The following PXDNL variants were observed in gnomAD, a reference collection of about 807,000 sequenced individuals.
PXDNL encodes probable oxidoreductase PXDNL.
A neutral mutation model predicts 150.8 loss-of-function variants in PXDNL; 145 were observed. That is an observed-to-expected ratio of 0.96 (90% CI 0.84 to 1.10). The LOEUF (loss-of-function observed/expected upper bound fraction) is 1.10. Among genes scored for constraint, PXDNL ranks in the 50% least tolerant of loss-of-function variants. The probability of loss-of-function intolerance (pLI) is 0.00; values close to 1 mark genes in which losing one functional copy is unlikely to be tolerated. For missense variants in PXDNL, 2,087 were observed against 1,873.9 expected (o/e 1.11, Z -2.10); for synonymous variants, 757 against 725.7 (o/e 1.04, Z -0.69).
At chr8:51,320,256 T>C (rs2130592740) in intron 22 of PXDNL, among the ~76,000 whole-genome samples, 1 of 152,318 alleles carries the variant, frequency 6.6e-6, no homozygotes, top group Middle Eastern at 3.4e-3. Context: ...TACTGTACCA[T>C]ATGGTAGGAT....
At chr8:51,665,006 C>T (rs939823462) in intron 1 of PXDNL, among the ~76,000 whole-genome samples, 4 of 152,216 alleles carry the variant, frequency 2.6e-5, no homozygotes, top group African/African-American at 4.8e-5. Flanking sequence ...AGCACCCGCA[C>T]AGGAGGTCAG....
At chr8:51,778,430 T>C (rs35822658) in intron 1 of PXDNL, among the ~76,000 whole-genome samples, 9,254 of 152,328 alleles carry the variant, frequency 0.061, 380 homozygotes, top group Non-Finnish European at 0.087. Flanking sequence ...CGGCAGGCTA[T>C]GTTTCTTAAC....
At chr8:51,681,777 C>T (rs1003256942) in intron 1 of PXDNL, among the ~76,000 whole-genome samples, 3 of 152,272 alleles carry the variant, frequency 2.0e-5, no homozygotes, top group South Asian at 2.1e-4. Flanking sequence ...CACATATGTG[C>T]GATGCCATAT....
intron 2 of PXDNL, among the ~76,000 whole-genome samples, chr8:51,631,211 A>G (rs537135152): frequency 1.3e-5 from 2 of 152,262 alleles, no homozygotes; most frequent in African/African-American, 4.8e-5. Flanking sequence ...GTTCTTACTT[A>G]TAAGTGGAAG....
At chr8:51,346,628 C>T (rs982040304) in intron 19 of PXDNL, among the ~76,000 whole-genome samples, 9 of 152,062 alleles carry the variant, frequency 5.9e-5, no homozygotes, top group Admixed American at 1.3e-4. Context: ...GATGTGGGAG[C>T]GGCTCCCTCA....
At chr8:51,548,734 A>C (rs1020993884) in intron 4 of PXDNL, among the ~76,000 whole-genome samples, 2 of 152,202 alleles carry the variant, frequency 1.3e-5, no homozygotes, top group African/African-American at 4.8e-5. Context: ...TGTAAAGCAC[A>C]AATCTCATAG....
chr8:51,663,775 G>C (rs1260987839), intron 1 of PXDNL, among the ~76,000 whole-genome samples: 1 of 152,106 alleles, frequency 6.6e-6, no homozygotes, highest in African/African-American at 2.4e-5. Flanking sequence ...GAGAGATGAG[G>C]GGGCCACGGT....
chr8:51,371,050 T>C (rs1807098067), intron 19 of PXDNL, among the ~76,000 whole-genome samples: 1 of 152,244 alleles, frequency 6.6e-6, no homozygotes, highest in Admixed American at 6.5e-5. Flanking sequence ...CATGAGGCTA[T>C]GGTGGCCCTT....
At chr8:51,391,351 C>T (rs1338818006) in intron 17 of PXDNL, among the ~76,000 whole-genome samples, 1 of 152,050 alleles carries the variant, frequency 6.6e-6, no homozygotes, top group African/African-American at 2.4e-5. Flanking sequence ...AGTTTACAGT[C>T]CCACCAACAG....
chr8:51,345,933 C>T lies in PXDNL; in HGVS notation c.3916G>A (p.Gly1306Arg), dbSNP rs1405837146. 1.2e-6 allele frequency: 2 copies of T among 1,610,408 alleles called. No individual in the cohort carries two copies. Among genetic ancestry groups the T allele is most frequent in the East Asian group, 2.2e-5 (1 of 44,864 alleles). Residue 1306 changes from glycine to arginine, a missense_variant, in exon 20 of 23, where the codon GGA becomes AGA. Gly to Arg is a moderately radical substitution (Grantham distance 125, BLOSUM62 -2). Transcript: ENST00000356297. ...QDCCADCRSR[G>R]QFRAVTQESQ... ...TCTTGCGTCACTGCTCTGAACTGTC[C>T]TCTACTCCTACAGTCTGTGGGGAAA...
At chr8:51,339,456 C>A (rs1032308687) in intron 21 of PXDNL, among the ~76,000 whole-genome samples, 168 bp downstream of exon 21, 1 of 152,072 alleles carries the variant, frequency 6.6e-6, no homozygotes, top group Admixed American at 6.6e-5. Flanking sequence ...AAGACTGTGT[C>A]TTTAAAAAAG....
chr8:51,783,317 G>C (rs2037432620), intron 1 of PXDNL, among the ~76,000 whole-genome samples: 1 of 152,168 alleles, frequency 6.6e-6, no homozygotes, highest in Non-Finnish European at 1.5e-5. Flanking sequence ...GCAACTACTG[G>C]ACACTGCAGA....
intron 2 of PXDNL, among the ~76,000 whole-genome samples, chr8:51,651,167 A>T (rs966292785): frequency 2.1e-4 from 32 of 152,214 alleles, no homozygotes; most frequent in African/African-American, 7.7e-4. Context: ...ATTATATGTG[A>T]TATTTAGTTA....
intron 4 of PXDNL, among the ~76,000 whole-genome samples, chr8:51,526,484 G>A (rs1169202765): frequency 6.6e-6 from 1 of 152,128 alleles, no homozygotes; most frequent in Non-Finnish European, 1.5e-5. Flanking sequence ...TAGAAGCGAT[G>A]TGAGAAAAAA....
At chr8:51,735,707 C>T (rs1460918422) in intron 1 of PXDNL, among the ~76,000 whole-genome samples, 4 of 147,678 alleles carry the variant, frequency 2.7e-5, no homozygotes, top group Admixed American at 6.7e-5. Flanking sequence ...CCACTACGCC[C>T]GGCTAATTTT....
intron 19 of PXDNL, among the ~76,000 whole-genome samples, chr8:51,359,583 C>T (rs996782182): frequency 2.2e-4 from 33 of 151,964 alleles, no homozygotes; most frequent in Non-Finnish European, 3.7e-4. Flanking sequence ...TTGGAGGACA[C>T]GTACAGATAT....
intron 1 of PXDNL, among the ~76,000 whole-genome samples, chr8:51,707,926 C>A (rs140445569): frequency 6.6e-6 from 1 of 152,038 alleles, no homozygotes; most frequent in Non-Finnish European, 1.5e-5. Context: ...CATGCACACA[C>A]GCACATACAA....
intron 17 of PXDNL, among the ~76,000 whole-genome samples, chr8:51,385,869 G>A (rs1469185216): frequency 1.3e-5 from 2 of 152,220 alleles, no homozygotes; most frequent in East Asian, 3.9e-4. Flanking sequence ...GGTAAGACAT[G>A]CCTTTCACCT....
chr8:51,477,505 C>T (rs1030588617), intron 6 of PXDNL, among the ~76,000 whole-genome samples: 8 of 152,198 alleles, frequency 5.3e-5, no homozygotes, highest in Non-Finnish European at 1.0e-4. Flanking sequence ...CACTGACTGA[C>T]TTATTGTACC....
Sources: allele counts gnomAD v4.1 joint callset (sites outside exome capture counted in the v4.1 genomes callset), GRCh38; gene constraint gnomAD v4.1.1; transcripts MANE v1.5; gene names NCBI Gene and HGNC (gene_info 2026-07-23, HGNC 2026-07-21).